EP300: variants seen among roughly 807,000 people sequenced by gnomAD.
EP300 encodes the protein histone acetyltransferase p300.
A neutral mutation model predicts 264.0 loss-of-function variants in EP300; 31 were observed. That is an observed-to-expected ratio of 0.12 (90% CI 0.09 to 0.16). EP300 has a LOEUF of 0.16. Among genes scored for constraint, EP300 ranks in the 10% least tolerant of loss-of-function variants. The pLI is 1.00. For missense variants in EP300, 2,766 were observed against 3,052.9 expected, an observed-to-expected ratio of 0.91 and a Z score of 2.21; for synonymous variants, 1,340 against 1,045.4, an observed-to-expected ratio of 1.28 and a Z score of -5.44.
At chr22:41,096,612 CTTTTTT>C (rs749353769) in intron 1 of EP300, among the ~76,000 whole-genome samples, 4 of 104,454 alleles carry the variant, frequency 3.8e-5, no homozygotes, top group African/African-American at 1.2e-4. Context: ...GTCAGCTCTA[CTTTTTT>C]TTTTTTTTTT....
intron 2 of EP300, among the ~76,000 whole-genome samples, chr22:41,118,553 G>C (rs1182488390): frequency 6.6e-6 from 1 of 152,238 alleles, no homozygotes; most frequent in Non-Finnish European, 1.5e-5. Context: ...TTGAATGAGA[G>C]ATGGCTTCAC....
rs929274439 is a variant in EP300 at position 41,179,313 on chromosome 22, GTAA to G, written c.*360_*362del. Reference sequence around the variant, plus strand: ...ATTTTTTTTAAATTAATGAACATATGTAATATTAATAGTTATTATTTACTGGTG... The same window carrying G: ...ATTTTTTTTAAATTAATGAACATATGTATTAATAGTTATTATTTACTGGTG... On this transcript the variant is annotated 3_prime_UTR_variant, in exon 31 of 31. Transcript: ENST00000263253. 3 of 282,126 alleles carry G rather than the reference GTAA, an allele frequency of 1.1e-5. No individual in the cohort carries two copies. Among genetic ancestry groups the G allele is most frequent in the African/African-American group, 6.5e-5 (3 of 46,388 alleles). 17.5% of individuals were successfully genotyped at this position (282,126 alleles called of 1,614,324 possible). A position where few individuals can be genotyped will look rare whatever the true frequency, so the allele number is the denominator to read the frequency against.
intron 5 of EP300, 151 bp downstream of exon 5, chr22:41,130,154 G>C: frequency 1.5e-6 from 1 of 650,832 alleles, no homozygotes; most frequent in Non-Finnish European, 2.7e-6. Context: ...TGCTTCCCTA[G>C]TGCATAGAAT....
intron 19 of EP300, chr22:41,158,758 T>G (rs2145750201): frequency 2.1e-6 from 1 of 476,302 alleles, no homozygotes; most frequent in East Asian, 3.9e-5. Context: ...TTGGCCTAGA[T>G]GGGTCTATAT....
At chr22:41,166,736 T>C in intron 23 of EP300, 70 bp downstream of exon 23, 1 of 1,027,020 alleles carries the variant, frequency 9.7e-7, no homozygotes. Context: ...CCATCCAAAG[T>C]GAATTACTTT....
rs71200660 is a variant in EP300 at position 41,110,282 on chromosome 22, ATTTTTTTTTTTTTTTTTTTTT to A, written c.95-6887_95-6867del. Among the ~76,000 whole-genome samples the A allele has an allele frequency of 6.0e-4, 29 of 48,222 alleles. 1 individual carries two copies. The highest frequency in any genetic ancestry group is 2.1e-3 in the African/African-American group (25 of 12,064). 31.6% of individuals were successfully genotyped at this position (48,222 alleles called of 152,430 possible). A position where few individuals can be genotyped will look rare whatever the true frequency, so the allele number is the denominator to read the frequency against. On this transcript the variant is annotated intron_variant, in intron 1 of 30. Coordinates refer to ENST00000263253, the MANE Select transcript of EP300 (RefSeq NM_001429.4). ...AGGTGCATGCCAGCATATCCAGCTAATTTTTTTTTTTTTTTTTTTTTTTTTTTTTTTTTTTTTTGAGACAAA... is the reference window on the plus strand; with the variant it reads ...AGGTGCATGCCAGCATATCCAGCTAATTTTTTTTTTTTTTTTTGAGACAAA...
intron 1 of EP300, among the ~76,000 whole-genome samples, chr22:41,111,835 G>A (rs1454039073): frequency 6.7e-6 from 1 of 149,750 alleles, no homozygotes. Flanking sequence ...CACCATGCCC[G>A]GACTTTTTTC....
At chr22:41,096,435 A>T (rs979123412) in intron 1 of EP300, among the ~76,000 whole-genome samples, 1 of 151,998 alleles carries the variant, frequency 6.6e-6, no homozygotes, top group Non-Finnish European at 1.5e-5. Flanking sequence ...TAGGGTAAAG[A>T]TCCTTCTGGT....
intron 18 of EP300, among the ~76,000 whole-genome samples, chr22:41,157,662 C>T (rs967207051): frequency 2.0e-5 from 3 of 151,814 alleles, no homozygotes; most frequent in South Asian, 2.1e-4. Flanking sequence ...GGACTACAGC[C>T]GTACGCCACC....
chr22:41,118,485 T>G (rs573935613), intron 2 of EP300, among the ~76,000 whole-genome samples: 2 of 152,402 alleles, frequency 1.3e-5, no homozygotes, highest in African/African-American at 4.8e-5. Context: ...TTTTATCTGT[T>G]TTTCTTAAAA....
In EP300 at chr22:41,125,854, T is replaced by C. The variant is rs201058616; in HGVS notation, c.730-10T>C. 1.9e-6 allele frequency: 3 copies of C among 1,576,992 alleles called. No homozygotes were observed. The highest frequency in any genetic ancestry group is 2.5e-6 in the Non-Finnish European group (3 of 1,178,784). On this transcript the variant is annotated splice_polypyrimidine_tract_variant and intron_variant, in intron 2 of 30. Coordinates refer to ENST00000263253, the MANE Select transcript of EP300 (RefSeq NM_001429.4). ...TGCTTATTTTGTTTTCTTTTGTTTC[T>C]TACTCTTAGATGGGAATGATGAACA...
chr22:41,170,525 A>C lies in EP300; in HGVS notation c.4406A>C (p.Lys1469Thr). ...AAGCGACTGCAGGAATGGTACAAAA[A>C]AATGCTTGACAAGGCTGTATCAGAG... Reference protein sequence around the residue: ...KPKRLQEWYKKMLDKAVSERI... With the variant: ...KPKRLQEWYKTMLDKAVSERI... The change falls in exon 27 of 31, where the codon AAA becomes ACA. Residue 1469 changes from lysine to threonine, a missense_variant. Transcript: ENST00000263253. 6.2e-7 allele frequency: 1 copy of C among 1,614,198 alleles called. No individual in the cohort carries two copies. Among genetic ancestry groups the C allele is most frequent in the Non-Finnish European group, 8.5e-7 (1 of 1,180,034 alleles).
chr22:41,153,339 C>A (rs2059057929), intron 16 of EP300, among the ~76,000 whole-genome samples: 1 of 152,052 alleles, frequency 6.6e-6, no homozygotes, highest in African/African-American at 2.4e-5. Context: ...AAAAGTGTTC[C>A]ATTAATACAA....
chr22:41,165,905 C>T (rs1197005022), intron 22 of EP300, among the ~76,000 whole-genome samples: 4 of 152,072 alleles, frequency 2.6e-5, no homozygotes, highest in African/African-American at 4.8e-5. Context: ...CTGCCTCAGC[C>T]TCTCGAGTAG....
chr22:41,124,169 C>T (rs901841805), intron 2 of EP300, among the ~76,000 whole-genome samples: 2 of 152,238 alleles, frequency 1.3e-5, no homozygotes, highest in African/African-American at 2.4e-5. Context: ...CGCTTGAACC[C>T]AGGAGGCAGA....
chr22:41,146,665 T>C, intron 10 of EP300, 74 bp from the exon 11 acceptor site: 1 of 1,256,498 alleles, frequency 8.0e-7, no homozygotes, highest in Non-Finnish European at 1.2e-6. Flanking sequence ...TTTGTGGGGT[T>C]TGTGTGTGCA....
intron 1 of EP300, among the ~76,000 whole-genome samples, chr22:41,114,243 A>C (rs975803092): frequency 1.3e-5 from 2 of 152,144 alleles, no homozygotes; most frequent in African/African-American, 4.8e-5. Context: ...GTGCAGTGGT[A>C]CATTCACGGC....
At chr22:41,175,084 G>C (rs1016679847) in intron 29 of EP300, among the ~76,000 whole-genome samples, 2 of 152,296 alleles carry the variant, frequency 1.3e-5, no homozygotes, top group South Asian at 4.1e-4. Context: ...ACAATTAATA[G>C]TTACTAGCTA....
intron 18 of EP300, among the ~76,000 whole-genome samples, 160 bp downstream of exon 18, chr22:41,157,568 A>G (rs1170693141): frequency 2.4e-5 from 3 of 123,850 alleles, no homozygotes; most frequent in African/African-American, 9.6e-5. Context: ...CCCAGGCTGG[A>G]GTGCAGTGGT....
Sources: allele counts gnomAD v4.1 joint callset (sites outside exome capture counted in the v4.1 genomes callset), GRCh38; gene constraint gnomAD v4.1.1; transcripts MANE v1.5; gene names NCBI Gene and HGNC (gene_info 2026-07-23, HGNC 2026-07-21).